CCDC66: variants seen among roughly 807,000 people sequenced by gnomAD.
CCDC66 encodes coiled-coil domain containing 66.
A neutral mutation model predicts 128.3 loss-of-function variants in CCDC66; 133 were observed. That is an observed-to-expected ratio of 1.04 (90% confidence interval 0.90 to 1.20). The LOEUF (loss-of-function observed/expected upper bound fraction) is 1.20, where lower values mean the gene tolerates loss of function less well. Among genes scored for constraint, CCDC66 ranks in the 50% most tolerant of loss-of-function variants. The pLI, the probability that CCDC66 is intolerant of heterozygous loss-of-function variation, is 0.00. For missense variants in CCDC66, 1,126 were observed against 1,075.5 expected (o/e 1.05, Z -0.66); for synonymous variants, 387 against 357.0 (o/e 1.08, Z -0.95).
At chr3:56,620,669 G>T (rs2076343450) in intron 17 of CCDC66, 1 of 152,160 alleles carries the variant, frequency 6.6e-6, no homozygotes, top group Non-Finnish European at 1.5e-5. Context: ...GGGTTACTAA[G>T]AGTTTTACAT....
chr3:56,560,007 G>C (rs963778129), intron 3 of CCDC66, among the ~76,000 whole-genome samples: 6 of 152,164 alleles, frequency 3.9e-5, no homozygotes, highest in Non-Finnish European at 7.4e-5. Context: ...GCACTCCAGA[G>C]ATCTTTAAAA....
intron 7 of CCDC66, among the ~76,000 whole-genome samples, chr3:56,591,811 CTA>C (rs2106913472): frequency 6.6e-6 from 1 of 152,244 alleles, no homozygotes; most frequent in South Asian, 2.1e-4. Context: ...GAGTTGTAAA[CTA>C]TGAGCTTTGT....
intron 17 of CCDC66, chr3:56,620,474 G>C (rs12833): frequency 6.6e-6 from 1 of 152,380 alleles, no homozygotes; most frequent in Non-Finnish European, 1.5e-5. Context: ...GCTGTAGTTA[G>C]TTTTGATTCA....
intron 3 of CCDC66, among the ~76,000 whole-genome samples, chr3:56,562,908 A>G (rs1358099081): frequency 1.3e-5 from 2 of 151,374 alleles, no homozygotes; most frequent in Non-Finnish European, 2.9e-5. Flanking sequence ...CGGCCTCCCA[A>G]AGTGCTGGGA....
At chr3:56,621,436 GAT>G (rs2076608982) in intron 17 of CCDC66, 94 bp from the exon 18 acceptor site, 7 of 836,360 alleles carry the variant, frequency 8.4e-6, no homozygotes, top group African/African-American at 6.9e-5. Flanking sequence ...TATCCTAAGC[GAT>G]ATGTTTTCCA....
Position 56,584,576 on chromosome 3 carries a change from C to T in CCDC66, c.937-8394C>T, listed in dbSNP as rs1394387831. 1.9e-4 allele frequency among the ~76,000 whole-genome samples: 28 copies of T among 151,254 alleles called. 1 individual carries two copies. Among genetic ancestry groups the T allele is most frequent in the Admixed American group, 7.3e-4 (11 of 15,038 alleles). On this transcript the variant is annotated intron_variant, in intron 7 of 17. Coordinates refer to ENST00000394672, the MANE Select transcript of CCDC66 (RefSeq NM_001141947.3). Reference sequence around the variant, plus strand: ...GCTCCTCACTTCCCAGATGGGATGGCGGCCGGGAAGAGGCGCTCCTGACTT... The same window carrying T: ...GCTCCTCACTTCCCAGATGGGATGGTGGCCGGGAAGAGGCGCTCCTGACTT...
intron 13 of CCDC66, 52 bp from the exon 14 acceptor site, chr3:56,617,060 T>C: frequency 7.6e-7 from 1 of 1,321,320 alleles, no homozygotes; most frequent in African/African-American, 1.5e-5. Flanking sequence ...AATTATTTAA[T>C]ATTGAAAATT....
At position 56,558,683 on chromosome 3, in the gene CCDC66, T is replaced by G. The variant is rs890542376; in HGVS notation, c.12-163T>G. 2.7e-5 allele frequency: 18 copies of G among 655,432 alleles called. 1 individual carries two copies. Among genetic ancestry groups the G allele is most frequent in the Admixed American group, 4.8e-5 (2 of 41,590 alleles). The allele number at this position is 655,432 out of a possible 1,614,324, so 40.6% of individuals were successfully genotyped here. On this transcript the variant is annotated intron_variant, in intron 1 of 17. Coordinates refer to ENST00000394672, the MANE Select transcript of CCDC66 (RefSeq NM_001141947.3). Reference sequence around the variant, plus strand: ...CCCCCTGTAGTTGTGGGTTTTATCTTGGATTGCAAACGTTTTTAATTAAAA... The same window carrying G: ...CCCCCTGTAGTTGTGGGTTTTATCTGGGATTGCAAACGTTTTTAATTAAAA...
chr3:56,609,732 C>T, intron 10 of CCDC66, among the ~76,000 whole-genome samples: 1 of 152,090 alleles, frequency 6.6e-6, no homozygotes, highest in African/African-American at 2.4e-5. Context: ...TGATGTGTTT[C>T]CAGGATTTGT....
At position 56,581,722 on chromosome 3, in the gene CCDC66, G is replaced by C. The variant is rs145658013; in HGVS notation, c.936+10420G>C. ...CTGGGTATCACCAGCGGAGGCTTCA[G>C]AACAGCAGATATTGCAGAACAGCAA... On this transcript the variant is annotated intron_variant, in intron 7 of 17. Transcript: ENST00000394672. Among the ~76,000 whole-genome samples the C allele has an allele frequency of 5.8e-3, 887 of 151,992 alleles. 18 individuals carry two copies. Among genetic ancestry groups the C allele is most frequent in the African/African-American group, 0.021 (855 of 41,542 alleles).
chr3:56,619,952 G>T (rs372830187), intron 17 of CCDC66, 51 bp downstream of exon 17: 2 of 1,573,810 alleles, frequency 1.3e-6, no homozygotes, highest in East Asian at 4.6e-5. Context: ...TGGCGTGGGC[G>T]GTTGGGGGAA....
intron 7 of CCDC66, among the ~76,000 whole-genome samples, chr3:56,589,991 A>T (rs2070575802): frequency 6.6e-6 from 1 of 152,166 alleles, no homozygotes; most frequent in South Asian, 2.1e-4. Context: ...TTGTTTTTTA[A>T]AAAGTGATTT....
At chr3:56,585,902 T>C (rs1404748025) in intron 7 of CCDC66, among the ~76,000 whole-genome samples, 1 of 151,908 alleles carries the variant, frequency 6.6e-6, no homozygotes, top group African/African-American at 2.4e-5. Context: ...AAGAATTTTG[T>C]GGTTAGAAAG....
chr3:56,593,335 A>G (rs1435251918), intron 8 of CCDC66, among the ~76,000 whole-genome samples, 156 bp from the exon 9 acceptor site: 8 of 152,326 alleles, frequency 5.3e-5, no homozygotes, highest in African/African-American at 1.9e-4. Context: ...CTAGTGATCT[A>G]TATGTATAAG....
rs1421638613 is a variant in CCDC66, at chr3:56,617,227, T to C, written c.1959T>C (p.Phe653=). The C allele has an allele frequency of 6.2e-7, 1 of 1,613,876 alleles. No homozygotes were observed. Among genetic ancestry groups the C allele is most frequent in the Admixed American group, 1.7e-5 (1 of 59,982 alleles). The change falls in exon 14 of 18, where the codon TTT becomes TTC. Residue 653 remains phenylalanine, a synonymous_variant. Transcript: ENST00000394672. ...PEISAELIGQ[F]STKKNKQELT... is the part of the protein sequence containing the mutation. ...TTTCGGCAGAACTTATTGGACAGTT[T>C]AGCACCAAGAAAAACAAGCAAGAAC...
At chr3:56,589,934 C>G (rs999871102) in intron 7 of CCDC66, among the ~76,000 whole-genome samples, 1 of 152,084 alleles carries the variant, frequency 6.6e-6, no homozygotes, top group African/African-American at 2.4e-5. Context: ...TCTATGGGCC[C>G]TCTGGTTCCA....
chr3:56,591,740 G>C (rs1672152517), intron 7 of CCDC66, among the ~76,000 whole-genome samples: 1 of 152,192 alleles, frequency 6.6e-6, no homozygotes, highest in African/African-American at 2.4e-5. Flanking sequence ...TAGAATGTAG[G>C]AGGACCTGAG....
intron 15 of CCDC66, 71 bp downstream of exon 15, chr3:56,618,283 T>C (rs1454946023): frequency 1.2e-5 from 16 of 1,287,740 alleles, no homozygotes; most frequent in Non-Finnish European, 1.7e-5. Context: ...GGATTCAAGA[T>C]CTGGACAGCA....
At chr3:56,574,841 G>A (rs2067146151) in intron 7 of CCDC66, among the ~76,000 whole-genome samples, 1 of 151,614 alleles carries the variant, frequency 6.6e-6, no homozygotes. Flanking sequence ...TGTCCTCAAG[G>A]TTTACCCATA....
Sources: allele counts gnomAD v4.1 joint callset (sites outside exome capture counted in the v4.1 genomes callset), GRCh38; gene constraint gnomAD v4.1.1; transcripts MANE v1.5; gene names NCBI Gene and HGNC (gene_info 2026-07-23, HGNC 2026-07-21).